PLLP: variants seen among roughly 807,000 people sequenced by gnomAD.
The protein encoded by PLLP is plasmolipin.
Under a neutral mutation model 19.7 loss-of-function variants are expected in PLLP, and 15 were observed. The ratio of observed to expected loss-of-function variants is 0.76; its 90% CI spans 0.51 to 1.17. PLLP has a LOEUF of 1.17. Among genes scored for constraint, PLLP ranks in the 50% most tolerant of loss-of-function variants. The pLI is 0.00. For synonymous variants in PLLP, 111 were observed against 116.3 expected, an observed-to-expected ratio of 0.95 and a Z score of 0.29; for missense variants, 255 against 258.3, an observed-to-expected ratio of 0.99 and a Z score of 0.09.
intron 3 of PLLP, among the ~76,000 whole-genome samples, chr16:57,258,083 T>C (rs886065411): frequency 2.6e-5 from 4 of 151,802 alleles, no homozygotes; most frequent in Non-Finnish European, 5.9e-5. Flanking sequence ...TACAAAAAAA[T>C]TAGCGGGTGT....
At chr16:57,284,165 A>T (rs1901252605) in intron 1 of PLLP, among the ~76,000 whole-genome samples, 1 of 152,064 alleles carries the variant, frequency 6.6e-6, no homozygotes, top group South Asian at 2.1e-4. Flanking sequence ...TACACGGTGC[A>T]GGGTGCTCAC....
At chr16:57,260,667 GC>G (rs2075439253) in intron 2 of PLLP, among the ~76,000 whole-genome samples, 1 of 152,098 alleles carries the variant, frequency 6.6e-6, no homozygotes. Context: ...TCAGACCCCA[GC>G]TGCAGGGGTT....
At chr16:57,262,196 A>C (rs1175427431) in intron 1 of PLLP, 126 bp from the exon 2 acceptor site, 6 of 864,626 alleles carry the variant, frequency 6.9e-6, no homozygotes, top group Middle Eastern at 2.3e-4. Context: ...CCAAGGTGTA[A>C]TAATCGCTGG....
chr16:57,270,053 G>C (rs1408141221), intron 1 of PLLP, among the ~76,000 whole-genome samples: 1 of 152,188 alleles, frequency 6.6e-6, no homozygotes, highest in Non-Finnish European at 1.5e-5. Context: ...ACAGGCGTGA[G>C]CCACTGCACC....
At chr16:57,277,090 A>G (rs1248933546) in intron 1 of PLLP, among the ~76,000 whole-genome samples, 1 of 152,346 alleles carries the variant, frequency 6.6e-6, no homozygotes, top group East Asian at 1.9e-4. Context: ...TAGACTATAT[A>G]TCTTGGGGAG....
At chr16:57,258,330 TA>T in intron 3 of PLLP, 131 bp downstream of exon 3, 2 of 864,370 alleles carry the variant, frequency 2.3e-6, no homozygotes, top group Non-Finnish European at 1.8e-6. Flanking sequence ...GGCTCCCCTC[TA>T]AGACCCACTG....
intron 1 of PLLP, among the ~76,000 whole-genome samples, chr16:57,277,771 T>C (rs1244792901): frequency 6.6e-6 from 1 of 152,156 alleles, no homozygotes; most frequent in Admixed American, 6.6e-5. Context: ...GGGTTTTATG[T>C]AGAAATATGC....
intron 1 of PLLP, among the ~76,000 whole-genome samples, chr16:57,262,795 G>A (rs1039651157): frequency 1.1e-4 from 16 of 152,052 alleles, no homozygotes; most frequent in African/African-American, 3.9e-4. Flanking sequence ...CCACTGTACC[G>A]GGGCCCTGCC....
intron 1 of PLLP, among the ~76,000 whole-genome samples, chr16:57,281,369 A>G (rs571355361): frequency 6.6e-6 from 1 of 152,338 alleles, no homozygotes; most frequent in South Asian, 2.1e-4. Flanking sequence ...CTGGCCTGAT[A>G]GATGGGAGCT....
In PLLP at chr16:57,284,469, C is replaced by T; in HGVS notation, c.72G>A (p.Ser24=). The stretch of plus-strand genomic sequence containing the variant: ...CGAAGCCCAGGTCCGGGCGCAGCGC[C>T]GACACCGAGGCTTCGGCGCCCTGCG... ...SPAQGAEASV[S]ALRPDLGFVR... The change falls in exon 1 of 4, where the codon TCG becomes TCA. Residue 24 remains serine, a synonymous_variant. Coordinates refer to ENST00000219207, the MANE Select transcript of PLLP (RefSeq NM_015993.3). 7.0e-7 allele frequency: 1 copy of T among 1,429,418 alleles called. No homozygotes were observed. The highest frequency in any genetic ancestry group is 9.2e-7 in the Non-Finnish European group (1 of 1,087,440). The allele number at this position is 1,429,418 out of a possible 1,614,324, so 88.5% of individuals were successfully genotyped here.
chr16:57,264,251 G>A (rs77060867), intron 1 of PLLP, among the ~76,000 whole-genome samples: 6,889 of 152,242 alleles, frequency 0.045, 429 homozygotes, highest in South Asian at 0.27. Flanking sequence ...CTCCTTCCTC[G>A]GCCTACTCCC....
At chr16:57,278,625 C>G (rs1419013567) in intron 1 of PLLP, among the ~76,000 whole-genome samples, 3 of 152,120 alleles carry the variant, frequency 2.0e-5, no homozygotes, top group African/African-American at 7.2e-5. Flanking sequence ...GGGGAACTAA[C>G]AATACAAGGC....
At chr16:57,260,055 T>C (rs758979843) in intron 2 of PLLP, among the ~76,000 whole-genome samples, 5 of 150,858 alleles carry the variant, frequency 3.3e-5, no homozygotes, top group Admixed American at 6.6e-5. Flanking sequence ...ACAGATGAAG[T>C]GAGTATAGAG....
intron 1 of PLLP, among the ~76,000 whole-genome samples, chr16:57,262,922 C>G (rs75910213): frequency 6.6e-6 from 1 of 151,968 alleles, no homozygotes; most frequent in Admixed American, 6.6e-5. Flanking sequence ...CCCCCAGGCA[C>G]CCACCATCCA....
intron 1 of PLLP, among the ~76,000 whole-genome samples, chr16:57,264,793 G>C (rs575313233): frequency 3.9e-5 from 6 of 152,306 alleles, no homozygotes; most frequent in African/African-American, 1.4e-4. Flanking sequence ...AGGCTACAGT[G>C]AGCCATGACT....
chr16:57,284,635 C>G lies in PLLP; in HGVS notation c.-95G>C, dbSNP rs1901263951. On this transcript the variant is annotated 5_prime_UTR_variant, in exon 1 of 4. Transcript: ENST00000219207. ...CCCGCGCCGCTTTTCCCCCAGGCTC[C>G]GGATCCCTGTGTGGCTCCAGGCGCT... 4.2e-6 allele frequency: 5 copies of G among 1,189,356 alleles called. No individual in the cohort carries two copies. The highest frequency in any genetic ancestry group is 3.1e-5 in the South Asian group (1 of 32,350). The allele number at this position is 1,189,356 out of a possible 1,614,324, so 73.7% of individuals were successfully genotyped here.
At chr16:57,284,298 T>C in intron 1 of PLLP, 108 bp downstream of exon 1, 1 of 1,011,056 alleles carries the variant, frequency 9.9e-7, no homozygotes, top group Non-Finnish European at 1.3e-6. Context: ...TGAGCCCGGG[T>C]GGGGAGCGCA....
chr16:57,262,399 A>G (rs1217096755), intron 1 of PLLP, among the ~76,000 whole-genome samples: 1 of 152,134 alleles, frequency 6.6e-6, no homozygotes, highest in Non-Finnish European at 1.5e-5. Flanking sequence ...TAAAAATACA[A>G]AAATTAGCCA....
chr16:57,274,128 C>T (rs1346869370), intron 1 of PLLP, among the ~76,000 whole-genome samples: 4 of 152,040 alleles, frequency 2.6e-5, no homozygotes, highest in East Asian at 1.9e-4. Context: ...CTGGGACAGG[C>T]GCACACAACC....
Sources: allele counts gnomAD v4.1 joint callset (sites outside exome capture counted in the v4.1 genomes callset), GRCh38; gene constraint gnomAD v4.1.1; transcripts MANE v1.5; gene names NCBI Gene and HGNC (gene_info 2026-07-23, HGNC 2026-07-21).